The following MYT1L variants were observed in gnomAD, a reference collection of about 807,000 sequenced individuals.
MYT1L encodes the protein myelin transcription factor 1 like, also known as myelin transcription factor 1-like protein.
In MYT1L, 12 loss-of-function variants were observed where a neutral mutation model predicts 126.7. The ratio of observed to expected loss-of-function variants is 0.09; its 90% CI spans 0.06 to 0.15. The LOEUF is 0.15. Ranked by LOEUF, MYT1L falls within the 10% of genes least tolerant of loss-of-function variation. The pLI, the probability that MYT1L is intolerant of heterozygous loss-of-function variation, is 1.00. For synonymous variants in MYT1L, 541 were observed against 604.2 expected, an observed-to-expected ratio of 0.90 and a Z score of 1.53; for missense variants, 979 against 1,585.2, an observed-to-expected ratio of 0.62 and a Z score of 6.49.
intron 5 of MYT1L, among the ~76,000 whole-genome samples, chr2:1,983,024 T>C (rs942078420): frequency 5.3e-5 from 8 of 152,208 alleles, no homozygotes; most frequent in African/African-American, 1.9e-4. Context: ...TTTTTATGCA[T>C]ATAGGGGCAA....
Position 1,961,998 on chromosome 2 carries a change from T to C in MYT1L, c.152+17167A>G, listed in dbSNP as rs115761089. ...ATAAAGACAAATATTTAAGGTGATGTATATCCCAAGTACACTGACTTGATC... is the reference window on the plus strand; with the variant it reads ...ATAAAGACAAATATTTAAGGTGATGCATATCCCAAGTACACTGACTTGATC... On this transcript the variant is annotated intron_variant, in intron 8 of 24. Transcript: ENST00000647738. 3.2e-3 allele frequency among the ~76,000 whole-genome samples: 483 copies of C among 152,354 alleles called. 2 individuals are homozygous for C. The highest frequency in any genetic ancestry group is 5.2e-3 in the Non-Finnish European group (355 of 68,032).
intron 1 of MYT1L, among the ~76,000 whole-genome samples, chr2:2,311,210 G>A (rs1322489102): frequency 6.6e-6 from 1 of 152,178 alleles, no homozygotes; most frequent in East Asian, 1.9e-4. Context: ...GTCAGAAAAG[G>A]AGGCTGATGT....
At chr2:2,251,100 A>G (rs1382107747) in intron 2 of MYT1L, among the ~76,000 whole-genome samples, 2 of 152,208 alleles carry the variant, frequency 1.3e-5, no homozygotes, top group Non-Finnish European at 2.9e-5. Flanking sequence ...TGTATATGAT[A>G]AAAGCTATTA....
chr2:1,813,457 G>A (rs1019486212), intron 21 of MYT1L, among the ~76,000 whole-genome samples: 5 of 152,152 alleles, frequency 3.3e-5, no homozygotes, highest in African/African-American at 1.2e-4. Context: ...TGCCGATGCT[G>A]GAATATTTCC....
At chr2:2,023,623 G>GTT (rs148916846) in intron 4 of MYT1L, among the ~76,000 whole-genome samples, 13 of 144,666 alleles carry the variant, frequency 9.0e-5, no homozygotes, top group African/African-American at 2.5e-4. Flanking sequence ...GGCTTTTGCT[G>GTT]TTTTTTTTTT....
chr2:2,026,426 G>T (rs930439540), intron 4 of MYT1L, among the ~76,000 whole-genome samples: 6 of 152,152 alleles, frequency 3.9e-5, no homozygotes, highest in African/African-American at 1.4e-4. Context: ...GCCCTGCAGG[G>T]ATTCTAGCAG....
At chr2:2,317,779 G>A (rs1041965533) in intron 1 of MYT1L, among the ~76,000 whole-genome samples, 24 of 152,256 alleles carry the variant, frequency 1.6e-4, no homozygotes, top group Admixed American at 1.5e-3. Context: ...ACCAGGCAGA[G>A]TAAAGTCTCT....
chr2:2,016,539 T>C (rs2149796803), intron 4 of MYT1L, among the ~76,000 whole-genome samples: 1 of 152,280 alleles, frequency 6.6e-6, no homozygotes, highest in East Asian at 1.9e-4. Context: ...CAGGATTCTG[T>C]AGAAATAACC....
intron 3 of MYT1L, among the ~76,000 whole-genome samples, chr2:2,120,486 T>C (rs559898328): frequency 2.0e-5 from 3 of 152,116 alleles, no homozygotes; most frequent in African/African-American, 4.8e-5. Context: ...TTTATTTTTA[T>C]TTTTAAAAAT....
rs568960121 is a variant in MYT1L at position 2,004,335 on chromosome 2, A to G, written c.-157-6988T>C. On this transcript the variant is annotated intron_variant, in intron 4 of 24. Transcript: ENST00000647738. The stretch of plus-strand genomic sequence containing the variant: ...CTTTCCTGCAGGCGTTCTTTCCTGC[A>G]TACGTTCTTTCCTGCGTGCCTTCTT... Among the ~76,000 whole-genome samples, 11 of 133,674 alleles carry G rather than the reference A, an allele frequency of 8.2e-5. 1 individual carries two copies. In the East Asian group the frequency reaches 1.2e-3, roughly 15 times the overall value. 87.7% of individuals were successfully genotyped at this position (133,674 alleles called of 152,430 possible). A position where few individuals can be genotyped will look rare whatever the true frequency, so the allele number is the denominator to read the frequency against.
intron 3 of MYT1L, among the ~76,000 whole-genome samples, chr2:2,063,482 G>A (rs1293721922): frequency 6.6e-6 from 1 of 152,142 alleles, no homozygotes; most frequent in Non-Finnish European, 1.5e-5. Flanking sequence ...CTGACTAGGG[G>A]TGCCTGTGCC....
chr2:2,156,259 C>T (rs2086711148), intron 3 of MYT1L, among the ~76,000 whole-genome samples: 1 of 152,112 alleles, frequency 6.6e-6, no homozygotes, highest in Non-Finnish European at 1.5e-5. Context: ...TTATCAGAAA[C>T]CTATTGATAT....
intron 2 of MYT1L, among the ~76,000 whole-genome samples, chr2:2,199,012 C>T (rs373187569): frequency 2.3e-4 from 35 of 152,174 alleles, no homozygotes; most frequent in African/African-American, 7.7e-4. Context: ...AATAAAAACA[C>T]CATAGACCAA....
intron 2 of MYT1L, among the ~76,000 whole-genome samples, chr2:2,174,990 A>G (rs2090552639): frequency 6.6e-6 from 1 of 152,094 alleles, no homozygotes; most frequent in Non-Finnish European, 1.5e-5. Context: ...GCAGCAAGTG[A>G]GCCATGAGTA....
chr2:2,265,307 C>T (rs1312095725), intron 2 of MYT1L, among the ~76,000 whole-genome samples: 1 of 151,794 alleles, frequency 6.6e-6, no homozygotes, highest in African/African-American at 2.4e-5. Flanking sequence ...CGCGCCTGGC[C>T]CATCCTTTTT....
chr2:2,304,525 C>A (rs374022552), intron 1 of MYT1L, among the ~76,000 whole-genome samples: 10 of 152,300 alleles, frequency 6.6e-5, no homozygotes, highest in African/African-American at 2.4e-4. Context: ...TAATAATGAG[C>A]ACTAGGTAAC....
chr2:1,834,743 C>A (rs1262792757), intron 21 of MYT1L, among the ~76,000 whole-genome samples: 3 of 152,194 alleles, frequency 2.0e-5, no homozygotes, highest in African/African-American at 7.2e-5. Flanking sequence ...TTGGAGAGAT[C>A]AGTTCCACAA....
At chr2:2,161,700 G>A (rs142115452) in intron 3 of MYT1L, among the ~76,000 whole-genome samples, 22 of 152,206 alleles carry the variant, frequency 1.4e-4, no homozygotes, top group African/African-American at 4.6e-4. Context: ...GCAAGATGGT[G>A]CTGGGGACGC....
intron 18 of MYT1L, among the ~76,000 whole-genome samples, chr2:1,877,689 C>T (rs548701268): frequency 6.6e-6 from 1 of 152,196 alleles, no homozygotes; most frequent in South Asian, 2.1e-4. Context: ...GGCAGGGGTT[C>T]CGGGCGCGGC....
Sources: gnomAD v4.1 joint callset for allele counts (sites outside exome capture counted in the v4.1 genomes callset) on GRCh38, gnomAD v4.1.1 for gene constraint, MANE v1.5 for transcripts, NCBI Gene and HGNC (gene_info 2026-07-23, HGNC 2026-07-21) for gene names.